The following SEMA3A variants were observed in gnomAD, a reference collection of about 807,000 sequenced individuals.
SEMA3A encodes the protein semaphorin 3A.
In SEMA3A, 29 loss-of-function variants were observed where a neutral mutation model predicts 97.9. The ratio of observed to expected loss-of-function variants is 0.30; its 90% CI spans 0.22 to 0.40. SEMA3A has a LOEUF of 0.40. SEMA3A is among the 10% of genes least tolerant of loss of function. SEMA3A has a pLI of 1.00. For missense variants in SEMA3A, 763 were observed against 951.3 expected (o/e 0.80, Z 2.60); for synonymous variants, 321 against 323.7 (o/e 0.99, Z 0.09).
chr7:84,219,057 C>T (rs1798815674), intron 3 of SEMA3A, among the ~76,000 whole-genome samples: 1 of 152,082 alleles, frequency 6.6e-6, no homozygotes, highest in South Asian at 2.1e-4. Context: ...TCTACATAAT[C>T]CTTTCCCTCT....
At chr7:84,140,856 T>G (rs973463515) in intron 1 of SEMA3A, among the ~76,000 whole-genome samples, 2 of 152,138 alleles carry the variant, frequency 1.3e-5, no homozygotes, top group Admixed American at 6.6e-5. Context: ...TTGCTATCAT[T>G]GTCATTTCAT....
chr7:84,245,181 T>A (rs1231524401), intron 3 of SEMA3A, among the ~76,000 whole-genome samples: 2 of 152,136 alleles, frequency 1.3e-5, no homozygotes, highest in Non-Finnish European at 2.9e-5. Flanking sequence ...TCCTGAAGAG[T>A]GTTTTCCAAC....
In SEMA3A at chr7:84,048,899, TA is replaced by T. The variant is rs1250979432; in HGVS notation, c.548-2457del. On this transcript the variant is annotated intron_variant, in intron 5 of 16. Transcript: ENST00000265362. ...CAGCTGAAATAGTAAAATCAACAAC[TA>T]AAAACTATTACTTGGATAGAAAAGG... Among the ~76,000 whole-genome samples, 6 of 152,116 alleles carry T rather than the reference TA, an allele frequency of 3.9e-5. No individual in the cohort carries two copies. In the South Asian group the frequency reaches 1.2e-3, roughly 32 times the overall value.
chr7:84,429,550 C>CATATATA (rs1804922369), intron 1 of SEMA3A, among the ~76,000 whole-genome samples: 1 of 58,618 alleles, frequency 1.7e-5, no homozygotes, highest in Admixed American at 2.0e-4. Flanking sequence ...ATATATATAG[C>CATATATA]GAGAGAGAGA....
At chr7:84,298,798 A>T (rs149386527) in intron 3 of SEMA3A, among the ~76,000 whole-genome samples, 10,284 of 152,202 alleles carry the variant, frequency 0.068, 568 homozygotes, top group East Asian at 0.29. Context: ...TTGCCAAAGG[A>T]GATTAACATT....
intron 3 of SEMA3A, among the ~76,000 whole-genome samples, chr7:84,126,420 G>T (rs1428954644): frequency 6.6e-6 from 1 of 152,066 alleles, no homozygotes; most frequent in African/African-American, 2.4e-5. Context: ...TGGCCAGGCT[G>T]GCCTCGAACT....
chr7:83,965,718 T>TCTCC (rs1788669987), intron 15 of SEMA3A, among the ~76,000 whole-genome samples: 1 of 121,478 alleles, frequency 8.2e-6, no homozygotes, highest in Admixed American at 9.1e-5. Flanking sequence ...TCTTACTCTG[T>TCTCC]CTCCCAGGCT....
At chr7:83,995,154 A>G (rs531370238) in intron 12 of SEMA3A, among the ~76,000 whole-genome samples, 67 of 152,250 alleles carry the variant, frequency 4.4e-4, no homozygotes, top group Middle Eastern at 3.4e-3. Flanking sequence ...CAAGTGAGGC[A>G]ATGCCTCACC....
At chr7:84,066,005 G>C (rs933327977) in intron 4 of SEMA3A, among the ~76,000 whole-genome samples, 23 of 151,534 alleles carry the variant, frequency 1.5e-4, no homozygotes, top group Middle Eastern at 3.4e-3. Context: ...GATGAACATT[G>C]ATGCAAAAAT....
intron 3 of SEMA3A, among the ~76,000 whole-genome samples, chr7:84,231,080 C>G (rs191883029): frequency 1.1e-3 from 163 of 152,068 alleles, no homozygotes; most frequent in African/African-American, 3.8e-3. Flanking sequence ...TCATCTGATG[C>G]TTCTTCCCTG....
intron 5 of SEMA3A, among the ~76,000 whole-genome samples, chr7:84,049,698 T>G (rs1792517280): frequency 1.3e-5 from 2 of 151,896 alleles, no homozygotes; most frequent in Admixed American, 1.3e-4. Flanking sequence ...ATATGTTGAT[T>G]CTTTTTTTTT....
At chr7:84,458,079 T>G (rs555389825) in intron 1 of SEMA3A, among the ~76,000 whole-genome samples, 1 of 152,094 alleles carries the variant, frequency 6.6e-6, no homozygotes, top group East Asian at 1.9e-4. Flanking sequence ...TTCAATTGAG[T>G]TGATGTTACA....
rs956305478 is a variant in SEMA3A, at chr7:84,004,497, A to T, written c.1360+842T>A. Among the ~76,000 whole-genome samples, 12 of 152,160 alleles carry T rather than the reference A, an allele frequency of 7.9e-5. No homozygotes were observed. In the Middle Eastern group the frequency reaches 0.01, roughly 130 times the overall value. On this transcript the variant is annotated intron_variant, in intron 11 of 16. Transcript: ENST00000265362. ...ATTGCTAACATTTATTTACTAGATG[A>T]TGTTCACCTTATTGTAATTTTAAAG...
chr7:83,990,179 T>A (rs868051070), intron 12 of SEMA3A, among the ~76,000 whole-genome samples: 2 of 151,840 alleles, frequency 1.3e-5, no homozygotes, highest in Middle Eastern at 3.2e-3. Flanking sequence ...GTTTTTTTCT[T>A]GTAAATTTGT....
At chr7:84,360,407 A>C (rs1444617147) in intron 2 of SEMA3A, among the ~76,000 whole-genome samples, 2 of 152,086 alleles carry the variant, frequency 1.3e-5, no homozygotes, top group African/African-American at 2.4e-5. Flanking sequence ...TGTACCCAGT[A>C]GTCATTCAGC....
chr7:84,304,463 C>T (rs1251680133), intron 3 of SEMA3A, among the ~76,000 whole-genome samples: 1 of 151,926 alleles, frequency 6.6e-6, no homozygotes, highest in Non-Finnish European at 1.5e-5. Context: ...TAAGACTTTA[C>T]TCAATCATTA....
chr7:84,173,457 G>A (rs540552979), intron 1 of SEMA3A, among the ~76,000 whole-genome samples: 10 of 150,800 alleles, frequency 6.6e-5, no homozygotes, highest in South Asian at 2.1e-4. Context: ...TACTCAGGAA[G>A]CTGAGACAGG....
Position 84,011,164 on chromosome 7 carries a change from A to G in SEMA3A, c.925+19T>C. On this transcript the variant is annotated intron_variant, in intron 8 of 16. Coordinates refer to ENST00000265362, the MANE Select transcript of SEMA3A (RefSeq NM_006080.3). ...AAGTCTGAACAAATATTCTCTATAC[A>G]TAAACACTAGCTTCTTACGCAGTTC... 3 of 1,607,172 alleles carry G rather than the reference A, an allele frequency of 1.9e-6. No homozygotes were observed. The highest frequency in any genetic ancestry group is 1.1e-5 in the South Asian group (1 of 90,918).
At chr7:84,110,659 G>A in intron 3 of SEMA3A, 70 bp from the exon 4 acceptor site, 1 of 1,515,444 alleles carries the variant, frequency 6.6e-7, no homozygotes, top group East Asian at 2.3e-5. Context: ...AGGGTGCTAG[G>A]CATGCTGGAA....
Sources: gnomAD v4.1 joint callset for allele counts (sites outside exome capture counted in the v4.1 genomes callset) on GRCh38, gnomAD v4.1.1 for gene constraint, MANE v1.5 for transcripts, NCBI Gene and HGNC (gene_info 2026-07-23, HGNC 2026-07-21) for gene names.